The following URB2 variants were observed in gnomAD, a reference collection of about 807,000 sequenced individuals.
URB2 encodes unhealthy ribosome biogenesis protein 2 homolog.
Under a neutral mutation model 120.9 loss-of-function variants are expected in URB2, and 86 were observed. That is an observed-to-expected ratio of 0.71 (90% CI 0.60 to 0.85). URB2 has a LOEUF of 0.85. Among genes scored for constraint, URB2 ranks in the 40% least tolerant of loss-of-function variants. The pLI, the probability that URB2 is intolerant of heterozygous loss-of-function variation, is 0.00. For synonymous variants in URB2, 755 were observed against 758.4 expected (o/e 1.00, Z 0.07); for missense variants, 1,765 against 1,836.5 (o/e 0.96, Z 0.71).
intron 9 of URB2, among the ~76,000 whole-genome samples, chr1:229,656,254 A>G (rs992046098): frequency 1.3e-5 from 2 of 152,246 alleles, no homozygotes; most frequent in African/African-American, 4.8e-5. Context: ...ACTGAATAAT[A>G]AAATGAGACA....
chr1:229,641,456 G>A (rs1666010526), intron 4 of URB2, among the ~76,000 whole-genome samples: 1 of 152,166 alleles, frequency 6.6e-6, no homozygotes, highest in Non-Finnish European at 1.5e-5. Context: ...TCATGGGCCT[G>A]GGGTGTTGCT....
At chr1:229,658,374 G>A (rs751373626) in intron 9 of URB2, among the ~76,000 whole-genome samples, 33 of 152,332 alleles carry the variant, frequency 2.2e-4, no homozygotes, top group Middle Eastern at 3.4e-3. Context: ...CTGTGCTCCA[G>A]ATTTTAGGTA....
At chr1:229,628,118 TGTATATATACATATATA>T (rs1462471148) in intron 2 of URB2, among the ~76,000 whole-genome samples, 13 of 130,158 alleles carry the variant, frequency 1.0e-4, no homozygotes, top group African/African-American at 3.6e-4. Context: ...TGTATATATA[TGTATATATACATATATA>T]ATATATATAT....
chr1:229,640,044 T>C (rs964634105), intron 4 of URB2, among the ~76,000 whole-genome samples: 13 of 152,226 alleles, frequency 8.5e-5, no homozygotes, highest in African/African-American at 1.4e-4. Flanking sequence ...ATATAAGATA[T>C]ACATGCGTGC....
At position 229,645,985 on chromosome 1, in the gene URB2, A is replaced by G. The variant is rs1364927181; in HGVS notation, c.3906+16A>G. 1.2e-6 allele frequency: 2 copies of G among 1,611,194 alleles called. No individual in the cohort carries two copies. Among genetic ancestry groups the G allele is most frequent in the Non-Finnish European group, 1.7e-6 (2 of 1,177,554 alleles). On this transcript the variant is annotated intron_variant, in intron 6 of 9. Transcript: ENST00000258243. ...AGCTTTAACAGTGAGTACCCTCTGG[A>G]GATGTGTCCTCTAGCTCCTCCCCTC...
rs190540984 is a variant in URB2 at position 229,634,435 on chromosome 1, C to T, written c.304-482C>T. ...GGCCAGGCTGTTCTCAAACTCCTGACCTCAAGTGATCCGCCTGCCTCGGCC... is the reference window on the plus strand; with the variant it reads ...GGCCAGGCTGTTCTCAAACTCCTGATCTCAAGTGATCCGCCTGCCTCGGCC... On this transcript the variant is annotated intron_variant, in intron 3 of 9. Transcript: ENST00000258243. Among the ~76,000 whole-genome samples, 7 of 152,278 alleles carry T rather than the reference C, an allele frequency of 4.6e-5. No individual in the cohort carries two copies. In the East Asian group the frequency reaches 1.4e-3, roughly 29 times the overall value.
chr1:229,645,555 G>A (rs1429557157), intron 5 of URB2, among the ~76,000 whole-genome samples: 1 of 152,188 alleles, frequency 6.6e-6, no homozygotes, highest in Non-Finnish European at 1.5e-5. Flanking sequence ...GTCACAGTGT[G>A]TGACCCTTTT....
At position 229,635,538 on chromosome 1, in the gene URB2, A is replaced by G; in HGVS notation, c.925A>G (p.Lys309Glu). The G allele has an allele frequency of 6.2e-7, 1 of 1,614,092 alleles. No individual in the cohort carries two copies. Among genetic ancestry groups the G allele is most frequent in the Non-Finnish European group, 8.5e-7 (1 of 1,180,002 alleles). The part of the protein sequence containing the change: ...VVANSVALLY[K>E]LFLDSYFKEG... ...GGCCAACTCAGTGGCCTTGCTGTATAAGCTCTTTCTAGATTCTTACTTTAA... is the reference window on the plus strand; with the variant it reads ...GGCCAACTCAGTGGCCTTGCTGTATGAGCTCTTTCTAGATTCTTACTTTAA... Residue 309 changes from lysine (K) to glutamate (E), a missense_variant, in exon 4 of 10, where the codon AAG (lysine) becomes GAG (glutamate). Lys to Glu is a moderately conservative substitution (Grantham distance 56). Transcript: ENST00000258243.
At position 229,635,477 on chromosome 1, in the gene URB2, T is replaced by G; in HGVS notation, c.864T>G (p.Ala288=). The change falls in exon 4 of 10, where the codon GCT becomes GCG. Residue 288 remains alanine (A), a synonymous_variant. Coordinates refer to ENST00000258243, the MANE Select transcript of URB2 (RefSeq NM_014777.4). ...MDTVLNRLVD[A]GYCAASLHTS... The stretch of plus-strand genomic sequence containing the variant: ...CCGTGCTTAACAGGCTGGTTGATGC[T>G]GGCTACTGTGCAGCATCCCTTCATA... The G allele has an allele frequency of 6.2e-7, 1 of 1,613,014 alleles. No individual in the cohort carries two copies. The highest frequency in any genetic ancestry group is 1.1e-5 in the South Asian group (1 of 90,992).
chr1:229,657,717 A>G (rs1239607015), intron 9 of URB2, among the ~76,000 whole-genome samples: 1 of 152,190 alleles, frequency 6.6e-6, no homozygotes, highest in Admixed American at 6.5e-5. Flanking sequence ...GCTATCATCT[A>G]TAAAATGGTA....
At chr1:229,649,708 A>G (rs761883556) in intron 7 of URB2, among the ~76,000 whole-genome samples, 2 of 152,192 alleles carry the variant, frequency 1.3e-5, no homozygotes, top group African/African-American at 4.8e-5. Context: ...GTGCATCTAA[A>G]GGGTATGGTA....
At position 229,659,246 on chromosome 1, in the gene URB2, T is replaced by C; in HGVS notation, c.4524T>C (p.Tyr1508=). ...TCTTTAAGGAGCTCTATAATGACTA[T>C]CTCAAGTACCACAAGGCCAAACATG... ...RDIFKELYND[Y]LKYHKAKHEG... Residue 1508 remains tyrosine (Y), a synonymous_variant, in exon 10 of 10, where the codon TAT becomes TAC. Transcript: ENST00000258243. The C allele has an allele frequency of 6.2e-7, 1 of 1,614,028 alleles. No homozygotes were observed.
At position 229,637,491 on chromosome 1, in the gene URB2, T is replaced by C. The variant is rs762460805; in HGVS notation, c.2878T>C (p.Ser960Pro). 3 of 1,614,114 alleles carry C rather than the reference T, an allele frequency of 1.9e-6. No homozygotes were observed. The Admixed American group carries it at 5.0e-5, about 27-fold the overall frequency. ...CTTGCAAAAGGGGAAAAGTGCTCGC[T>C]CTGTGTTCAAGATCATGTATGGTAG... is the stretch of plus-strand genomic sequence containing the variant. ...GYLQKGKSAR[S>P]VFKIMYGSDI... The change falls in exon 4 of 10, where the codon TCT becomes CCT. Residue 960 changes from serine (S) to proline (P), a missense_variant. Ser to Pro is a moderately conservative substitution (Grantham distance 74). Coordinates refer to ENST00000258243, the MANE Select transcript of URB2 (RefSeq NM_014777.4).
In URB2 at chr1:229,637,676, C is replaced by G. The variant is rs1386999402; in HGVS notation, c.3063C>G (p.Leu1021=). 6.2e-7 allele frequency: 1 copy of G among 1,614,180 alleles called. No homozygotes were observed. The highest frequency in any genetic ancestry group is 1.1e-5 in the South Asian group (1 of 91,082). ...TCCAAATGAAGCTGAGCTTGGTGCT[C>G]AATTTTAGAAAAATCACCGCATTCC... ...MLIQMKLSLV[L]NFRKITAFLS... is the part of the protein sequence containing the mutation. The change falls in exon 4 of 10, where the codon CTC becomes CTG. Residue 1021 remains leucine (L), a synonymous_variant. Coordinates refer to ENST00000258243, the MANE Select transcript of URB2 (RefSeq NM_014777.4).
At chr1:229,655,226 ATTCAACAGTTATCTT>A (rs538907062) in intron 9 of URB2, among the ~76,000 whole-genome samples, 1 of 152,310 alleles carries the variant, frequency 6.6e-6, no homozygotes, top group African/African-American at 2.4e-5. Context: ...ATAATTCACT[ATTCAACAGTTATCTT>A]TTTTCTTTTT....
chr1:229,627,647 A>G lies in URB2; in HGVS notation c.14A>G (p.Tyr5Cys), dbSNP rs749083603. Residue 5 changes from tyrosine to cysteine, a missense_variant, in exon 2 of 10, where the codon TAT (tyrosine) becomes TGT (cysteine). By Grantham distance (194) the Tyr-to-Cys change is radical. Transcript: ENST00000258243. MAAV[Y>C]SGISLKLKSK... is the part of the protein sequence containing the mutation. The stretch of plus-strand genomic sequence containing the variant: ...TAAAGCCTAGCCATGGCTGCTGTTT[A>G]TTCTGGCATTTCCCTTAAGCTTAAA... The G allele has an allele frequency of 1.6e-5, 25 of 1,612,392 alleles. No homozygotes were observed. In the Admixed American group the frequency reaches 4.0e-4, roughly 26 times the overall value.
At chr1:229,649,376 A>G (rs1307270316) in intron 7 of URB2, among the ~76,000 whole-genome samples, 1 of 152,198 alleles carries the variant, frequency 6.6e-6, no homozygotes, top group Non-Finnish European at 1.5e-5. Context: ...GTAACTGTAC[A>G]ATATAAATGC....
chr1:229,627,571 C>T (rs181205958), intron 1 of URB2, 50 bp from the exon 2 acceptor site: 3 of 1,566,228 alleles, frequency 1.9e-6, no homozygotes, highest in East Asian at 4.6e-5. Context: ...GGTGCCTGCT[C>T]AGTCTGACAT....
In URB2 at chr1:229,635,601, A is replaced by G; in HGVS notation, c.988A>G (p.Arg330Gly). Residue 330 changes from arginine (R) to glycine (G), a missense_variant, in exon 4 of 10, where the codon AGG becomes GGG. Transcript: ENST00000258243. ...NQLLCFQVLP[R>G]LFGCLKISHL... ...GCTTCTCTGCTTCCAGGTTCTCCCCAGGTTGTTTGGCTGCTTGAAGATTTC... is the reference window on the plus strand; with the variant it reads ...GCTTCTCTGCTTCCAGGTTCTCCCCGGGTTGTTTGGCTGCTTGAAGATTTC... The G allele has an allele frequency of 6.2e-7, 1 of 1,614,112 alleles. No individual in the cohort carries two copies. The highest frequency in any genetic ancestry group is 2.2e-5 in the East Asian group (1 of 44,888).
Sources: allele counts gnomAD v4.1 joint callset (sites outside exome capture counted in the v4.1 genomes callset), GRCh38; gene constraint gnomAD v4.1.1; transcripts MANE v1.5; gene names NCBI Gene and HGNC (gene_info 2026-07-23, HGNC 2026-07-21).